Variants in JAM3 observed in about 807,000 individuals in gnomAD.
The protein encoded by JAM3 is junctional adhesion molecule C.
A neutral mutation model predicts 39.4 loss-of-function variants in JAM3; 31 were observed. The ratio of observed to expected loss-of-function variants is 0.79; its 90% CI spans 0.59 to 1.06. The LOEUF (loss-of-function observed/expected upper bound fraction) is 1.06. Ranked by LOEUF, JAM3 falls within the 50% of genes least tolerant of loss-of-function variation. The pLI is 0.00. For missense variants in JAM3, 455 were observed against 391.4 expected (o/e 1.16, Z -1.37); for synonymous variants, 182 against 148.7 (o/e 1.22, Z -1.63).
chr11:134,126,892 C>G (rs1721505348), intron 1 of JAM3, among the ~76,000 whole-genome samples: 1 of 152,342 alleles, frequency 6.6e-6, no homozygotes, highest in Non-Finnish European at 1.5e-5. Context: ...ACTTCTCCTT[C>G]TCTGTCATTG....
At chr11:134,127,905 G>A (rs1942682292) in intron 1 of JAM3, among the ~76,000 whole-genome samples, 1 of 152,014 alleles carries the variant, frequency 6.6e-6, no homozygotes, top group Admixed American at 6.6e-5. Context: ...TGCACTCTCT[G>A]GGCTCTTCTT....
intron 1 of JAM3, among the ~76,000 whole-genome samples, chr11:134,116,476 T>A (rs963788392): frequency 6.6e-6 from 1 of 152,218 alleles, no homozygotes; most frequent in African/African-American, 2.4e-5. Flanking sequence ...AATCCAATAG[T>A]ATCATAATTT....
intron 1 of JAM3, among the ~76,000 whole-genome samples, chr11:134,093,650 T>C (rs1429331207): frequency 2.8e-5 from 3 of 105,304 alleles, no homozygotes; most frequent in Admixed American, 1.8e-4. Context: ...ACATGTCACT[T>C]CCTGAGGGAA....
At chr11:134,079,821 A>T (rs1941634078) in intron 1 of JAM3, among the ~76,000 whole-genome samples, 1 of 152,228 alleles carries the variant, frequency 6.6e-6, no homozygotes, top group African/African-American at 2.4e-5. Flanking sequence ...TTTGTTAATT[A>T]TAATTGCATT....
chr11:134,079,498 T>G (rs1345334945), intron 1 of JAM3, among the ~76,000 whole-genome samples: 1 of 152,150 alleles, frequency 6.6e-6, no homozygotes, highest in Non-Finnish European at 1.5e-5. Context: ...TCTGGAAGGC[T>G]CCGTTGTTTG....
At position 134,148,788 on chromosome 11, in the gene JAM3, T is replaced by C. The variant is rs1466645107; in HGVS notation, c.867T>C (p.Asp289=). Residue 289 remains aspartate (D), a synonymous_variant, in exon 8 of 9, where the codon GAT becomes GAC. Coordinates refer to ENST00000299106, the MANE Select transcript of JAM3 (RefSeq NM_032801.5). ...GESYKNPGKP[D]GVNYIRTDEE... The stretch of plus-strand genomic sequence containing the variant: ...GTTACAAGAACCCAGGGAAACCAGA[T>C]GGAGTTAACTACATCCGCACTGACG... 1.1e-5 allele frequency: 18 copies of C among 1,614,058 alleles called. No homozygotes were observed. The Admixed American group carries it at 2.0e-4, about 18-fold the overall frequency.
At chr11:134,128,691 G>C (rs972463562) in intron 1 of JAM3, among the ~76,000 whole-genome samples, 1 of 151,430 alleles carries the variant, frequency 6.6e-6, no homozygotes, top group African/African-American at 2.4e-5. Flanking sequence ...GAAGGTGCCT[G>C]CTTCCCCTAT....
At chr11:134,090,821 C>T (rs1255942102) in intron 1 of JAM3, among the ~76,000 whole-genome samples, 1 of 152,056 alleles carries the variant, frequency 6.6e-6, no homozygotes, top group Non-Finnish European at 1.5e-5. Flanking sequence ...TATTTGAACT[C>T]AGGTATAATT....
At chr11:134,130,801 A>G (rs983007368) in intron 1 of JAM3, among the ~76,000 whole-genome samples, 9 of 152,220 alleles carry the variant, frequency 5.9e-5, no homozygotes, top group Non-Finnish European at 1.3e-4. Context: ...ATTAATGTGT[A>G]TGTCTATTCC....
intron 1 of JAM3, among the ~76,000 whole-genome samples, chr11:134,105,583 G>A (rs907296270): frequency 3.9e-5 from 6 of 152,176 alleles, no homozygotes; most frequent in African/African-American, 1.4e-4. Flanking sequence ...TAGATGACAT[G>A]ATTGTATATT....
chr11:134,070,625 C>A (rs1052960070), intron 1 of JAM3, among the ~76,000 whole-genome samples: 1 of 152,194 alleles, frequency 6.6e-6, no homozygotes, highest in African/African-American at 2.4e-5. Flanking sequence ...GTCCAGCACC[C>A]GCTGTGTTGG....
intron 1 of JAM3, among the ~76,000 whole-genome samples, chr11:134,131,732 C>G (rs983783426): frequency 2.0e-5 from 3 of 152,064 alleles, no homozygotes; most frequent in Non-Finnish European, 4.4e-5. Context: ...GAAAAGGACA[C>G]TATCAATAAA....
chr11:134,105,335 G>A (rs1942163054), intron 1 of JAM3, among the ~76,000 whole-genome samples: 1 of 152,102 alleles, frequency 6.6e-6, no homozygotes, highest in South Asian at 2.1e-4. Context: ...AATAAATTAG[G>A]TATTGATGGG....
chr11:134,135,159 T>A (rs1267765716), intron 1 of JAM3, among the ~76,000 whole-genome samples: 1 of 152,208 alleles, frequency 6.6e-6, no homozygotes, highest in Non-Finnish European at 1.5e-5. Context: ...CTCTTAAATT[T>A]AGGTGTTTTA....
chr11:134,139,965 T>C lies in JAM3; in HGVS notation c.142+49T>C, dbSNP rs2276266. On this transcript the variant is annotated intron_variant, in intron 2 of 8. Coordinates refer to ENST00000299106, the MANE Select transcript of JAM3 (RefSeq NM_032801.5). ...GATAATGGGCACCATCTACTGGACA[T>C]TTGATGTCTTGCAGCCAACTCAGGA... 0.16 allele frequency: 223,228 copies of C among 1,406,516 alleles called. 18,822 individuals carry two copies. The highest frequency in any genetic ancestry group is 0.21 in the African/African-American group (14,942 of 70,898). The allele number at this position is 1,406,516 out of a possible 1,614,324, so 87.1% of individuals were successfully genotyped here.
Position 134,149,250 on chromosome 11 carries a change from G to T in JAM3, c.*69G>T. The T allele has an allele frequency of 6.3e-7, 1 of 1,591,414 alleles. No homozygotes were observed. The highest frequency in any genetic ancestry group is 8.6e-7 in the Non-Finnish European group (1 of 1,160,702). ...ACCTCTGCTAGAAACTCCTGTCAAGGCAGCGAGAGCTGATGCACTCGGACA... is the reference window on the plus strand; with the variant it reads ...ACCTCTGCTAGAAACTCCTGTCAAGTCAGCGAGAGCTGATGCACTCGGACA... On this transcript the variant is annotated 3_prime_UTR_variant, in exon 9 of 9. Coordinates refer to ENST00000299106, the MANE Select transcript of JAM3 (RefSeq NM_032801.5).
chr11:134,128,618 A>G (rs1390442802), intron 1 of JAM3, among the ~76,000 whole-genome samples: 3 of 151,868 alleles, frequency 2.0e-5, no homozygotes, highest in Non-Finnish European at 4.4e-5. Flanking sequence ...TTCCCCCCTT[A>G]TTCGCTCACT....
intron 1 of JAM3, among the ~76,000 whole-genome samples, chr11:134,115,165 T>C (rs1006314994): frequency 1.3e-5 from 2 of 152,216 alleles, no homozygotes; most frequent in African/African-American, 4.8e-5. Flanking sequence ...TATTCTTTGC[T>C]CTGAAATATA....
chr11:134,070,315 T>G lies in JAM3; in HGVS notation c.76+1156T>G, dbSNP rs1253010412. Reference sequence around the variant, plus strand: ...AGGACCTTTTTCGGTTCTTAGATTATTTTATTGTTTGAATTGCCACTGTCA... The same window carrying G: ...AGGACCTTTTTCGGTTCTTAGATTAGTTTATTGTTTGAATTGCCACTGTCA... On this transcript the variant is annotated intron_variant, in intron 1 of 8. Coordinates refer to ENST00000299106, the MANE Select transcript of JAM3 (RefSeq NM_032801.5). 5.2e-5 allele frequency: 22 copies of G among 422,988 alleles called. 1 individual carries two copies. Among genetic ancestry groups the G allele is most frequent in the Non-Finnish European group, 8.4e-5 (18 of 214,200 alleles). The allele number at this position is 422,988 out of a possible 1,614,324, so 26.2% of individuals were successfully genotyped here.
Sources: allele counts gnomAD v4.1 joint callset (sites outside exome capture counted in the v4.1 genomes callset), GRCh38; gene constraint gnomAD v4.1.1; transcripts MANE v1.5; gene names NCBI Gene and HGNC (gene_info 2026-07-23, HGNC 2026-07-21).